The following KDM6B variants were observed in gnomAD, a reference collection of about 807,000 sequenced individuals.
KDM6B encodes the protein lysine-specific demethylase 6B.
In KDM6B, 22 loss-of-function variants were observed where a neutral mutation model predicts 150.4. The observed-to-expected ratio is 0.15, with a 90% CI of 0.10 to 0.21. KDM6B has a LOEUF of 0.21. KDM6B is among the 10% of genes least tolerant of loss of function. The pLI is 1.00. For missense variants in KDM6B, 1,984 were observed against 2,234.3 expected, an observed-to-expected ratio of 0.89 and a Z score of 2.26; for synonymous variants, 1,148 against 921.1, an observed-to-expected ratio of 1.25 and a Z score of -4.46.
At position 7,844,516 on chromosome 17, in the gene KDM6B, C is replaced by T. The variant is rs1194853784; in HGVS notation, c.-268-385C>T. Among the ~76,000 whole-genome samples, 1 of 151,958 alleles carries T rather than the reference C, an allele frequency of 6.6e-6. No homozygotes were observed. Among genetic ancestry groups the T allele is most frequent in the African/African-American group, 2.4e-5 (1 of 41,342 alleles). On this transcript the variant is annotated intron_variant, in intron 2 of 23. Transcript: ENST00000448097. This position sits in a 1 kb window ranked among gnomAD's most constrained non-coding sequence, Gnocchi z 5.9. Reference sequence around the variant, plus strand: ...CGGGGTAGGGAGGTCTGTCACTGGGCGAGGTGAAGTGAGGAAGGGGAGGGA... The same window carrying T: ...CGGGGTAGGGAGGTCTGTCACTGGGTGAGGTGAAGTGAGGAAGGGGAGGGA...
chr17:7,849,162 CAAG>C lies in KDM6B; in HGVS notation c.2875_2877del (p.Lys959del), dbSNP rs752737688. The C allele has an allele frequency of 3.2e-5, 52 of 1,611,076 alleles. No homozygotes were observed. In the East Asian group the frequency reaches 1.0e-3, roughly 32 times the overall value. ...AGCGACTGCTGCCCCCCGCACAGGC[CAAG>C]GAGGAGGCTGGCGGGGTGGCGGCAG... On this transcript the variant is annotated inframe_deletion, in exon 12 of 24. Coordinates refer to ENST00000448097, the MANE Select transcript of KDM6B (RefSeq NM_001348716.2).
chr17:7,836,117 G>T (rs1319471609), intron 1 of KDM6B, among the ~76,000 whole-genome samples: 2 of 152,210 alleles, frequency 1.3e-5, no homozygotes, highest in East Asian at 3.9e-4. Context: ...GGCTTCTCCC[G>T]CCCGGGCCCA....
At chr17:7,845,806 C>T (rs1010244116) in intron 5 of KDM6B, 66 bp from the exon 6 acceptor site, 7 of 1,582,220 alleles carry the variant, frequency 4.4e-6, no homozygotes, top group Admixed American at 1.7e-5. Context: ...GCATCAGCCC[C>T]CTCCTGCCTA....
At position 7,835,131 on chromosome 17, in the gene KDM6B, G is replaced by A. The variant is rs569835574; in HGVS notation, c.-388+781G>A. ...CTGAGGCCCCCACTTGACTTCCTGT[G>A]ATCTGGGCCCCCTCACAGGAAATTG... On this transcript the variant is annotated intron_variant, in intron 1 of 23. Coordinates refer to ENST00000448097, the MANE Select transcript of KDM6B (RefSeq NM_001348716.2). Among the ~76,000 whole-genome samples, 5 of 152,214 alleles carry A rather than the reference G, an allele frequency of 3.3e-5. No homozygotes were observed. In the South Asian group the frequency reaches 1.0e-3, roughly 32 times the overall value.
At chr17:7,852,826 C>T (rs1403178077) in intron 21 of KDM6B, among the ~76,000 whole-genome samples, 174 bp from the exon 22 acceptor site, 1 of 152,232 alleles carries the variant, frequency 6.6e-6, no homozygotes, top group Non-Finnish European at 1.5e-5. Flanking sequence ...TAGACAAAAG[C>T]CACAGGAAAC....
At chr17:7,842,684 A>G (rs1358166288) in intron 2 of KDM6B, among the ~76,000 whole-genome samples, 1 of 152,084 alleles carries the variant, frequency 6.6e-6, no homozygotes, top group Non-Finnish European at 1.5e-5. Context: ...GAGAGGGGAA[A>G]TTCCGCGGGA....
chr17:7,853,599 T>C lies in KDM6B; in HGVS notation c.*78T>C. 1 of 1,163,402 alleles carries C rather than the reference T, an allele frequency of 8.6e-7. No individual in the cohort carries two copies. The highest frequency in any genetic ancestry group is 1.1e-6 in the Non-Finnish European group (1 of 902,150). The allele number at this position is 1,163,402 out of a possible 1,614,324, so 72.1% of individuals were successfully genotyped here. ...AGCACATGCCTGGGCTGGACCTAGGTCCCGCCTGTGGCCGAGAAGGGGGTC... is the reference window on the plus strand; with the variant it reads ...AGCACATGCCTGGGCTGGACCTAGGCCCCGCCTGTGGCCGAGAAGGGGGTC... On this transcript the variant is annotated 3_prime_UTR_variant, in exon 24 of 24. Coordinates refer to ENST00000448097, the MANE Select transcript of KDM6B (RefSeq NM_001348716.2).
Position 7,846,029 on chromosome 17 carries a change from C to T in KDM6B, c.237-49C>T, listed in dbSNP as rs199501385. On this transcript the variant is annotated intron_variant, in intron 6 of 23. Transcript: ENST00000448097. ...GGTAAGGCTGGGGCCTTGAAAGAGT[C>T]CCCTCAAGCCCAACCCCCACCCACA... 191 of 1,581,172 alleles carry T rather than the reference C, an allele frequency of 1.2e-4. 1 individual carries two copies. The highest frequency in any genetic ancestry group is 9.0e-4 in the South Asian group (79 of 88,178).
At chr17:7,850,229 T>C (rs2078664180) in intron 14 of KDM6B, 52 bp downstream of exon 14, 2 of 1,430,804 alleles carry the variant, frequency 1.4e-6, no homozygotes, top group Non-Finnish European at 2.0e-6. Flanking sequence ...GTCTGGGGCA[T>C]GTAGGACCCT....
At position 7,845,671 on chromosome 17, in the gene KDM6B, C is replaced by T. The variant is rs769473886; in HGVS notation, c.117C>T (p.Ser39=). 3.7e-6 allele frequency: 6 copies of T among 1,614,018 alleles called. No individual in the cohort carries two copies. Among genetic ancestry groups the T allele is most frequent in the South Asian group, 2.2e-5 (2 of 91,092 alleles). The part of the protein sequence containing the change: ...SSCPPHPPPR[S]AWLPGGRCSA... The stretch of plus-strand genomic sequence containing the variant: ...GCCCGCCTCATCCCCCTCCTCGTAG[C>T]GCATGGCTGCCTGGAGGCAGGTGAG... Residue 39 remains serine, a synonymous_variant, in exon 5 of 24, where the codon AGC becomes AGT. Coordinates refer to ENST00000448097, the MANE Select transcript of KDM6B (RefSeq NM_001348716.2).
intron 5 of KDM6B, 73 bp downstream of exon 5, chr17:7,845,764 C>T (rs2078519887): frequency 3.1e-6 from 5 of 1,607,452 alleles, no homozygotes; most frequent in Non-Finnish European, 4.3e-6. Context: ...GTGTCATTCT[C>T]CATGGGTTCC....
chr17:7,848,511 C>T lies in KDM6B; in HGVS notation c.2223C>T (p.Ala741=). 6.2e-7 allele frequency: 1 copy of T among 1,612,132 alleles called. No individual in the cohort carries two copies. The highest frequency in any genetic ancestry group is 1.3e-5 in the African/African-American group (1 of 74,938). ...AGTCTCCTTTCCCCACCGACACAGC[C>T]CCCACCACTACTGCTCCTGCTGTCG... ...SLQSPFPTDT[A]PTTTAPAVAV... Residue 741 remains alanine, a synonymous_variant, in exon 12 of 24, where the codon GCC becomes GCT. Coordinates refer to ENST00000448097, the MANE Select transcript of KDM6B (RefSeq NM_001348716.2).
At chr17:7,837,645 C>T (rs1342417733) in intron 1 of KDM6B, among the ~76,000 whole-genome samples, 1 of 152,104 alleles carries the variant, frequency 6.6e-6, no homozygotes, top group Non-Finnish European at 1.5e-5. Flanking sequence ...CTCTCTGAGC[C>T]TCGTATGTTA....
In KDM6B at chr17:7,851,437, T is replaced by G; in HGVS notation, c.3945-41T>G. ...CCCTTCTGTTCCTGCTTCCTTCCCC[T>G]CCCTCTGCTCTCCACCAACCTGTGC... is the stretch of plus-strand genomic sequence containing the variant. On this transcript the variant is annotated intron_variant, in intron 16 of 23. Transcript: ENST00000448097. 1.9e-6 allele frequency: 3 copies of G among 1,614,016 alleles called. No individual in the cohort carries two copies. In the East Asian group the frequency reaches 6.7e-5, roughly 36 times the overall value.
Position 7,847,700 on chromosome 17 carries a change from C to G in KDM6B, c.1412C>G (p.Pro471Arg), listed in dbSNP as rs1418813615. ...LPPGPSSPPP[P>R]PCPRLLRPPP... ...CCTGGACCTTCCTCACCCCCTCCACCCCCCTGTCCCCGCCTCTTACGCCCC... is the reference window on the plus strand; with the variant it reads ...CCTGGACCTTCCTCACCCCCTCCACGCCCCTGTCCCCGCCTCTTACGCCCC... The change falls in exon 12 of 24, where the codon CCC becomes CGC. Residue 471 changes from proline to arginine, a missense_variant. This residue lies in a region of KDM6B where 1,379 missense variants were observed against 1,275.6 expected (regional missense o/e 1.08). Transcript: ENST00000448097. 2 of 1,544,358 alleles carry G rather than the reference C, an allele frequency of 1.3e-6. No homozygotes were observed. The highest frequency in any genetic ancestry group is 1.4e-5 in the African/African-American group (1 of 71,562).
At chr17:7,846,377 G>GGGCCCCCCCCCCCCCCCCCCCC in intron 7 of KDM6B, 23 bp from the exon 8 acceptor site, 1 of 1,479,494 alleles carries the variant, frequency 6.8e-7, no homozygotes, top group Non-Finnish European at 9.1e-7. Flanking sequence ...ATCTGCCCCT[G>GGGCCCCCCCCCCCCCCCCCCCC]CCCCGTGTCC....
At position 7,848,427 on chromosome 17, in the gene KDM6B, A is replaced by C; in HGVS notation, c.2139A>C (p.Gln713His). 4.3e-6 allele frequency: 7 copies of C among 1,613,170 alleles called. No individual in the cohort carries two copies. The highest frequency in any genetic ancestry group is 5.9e-6 in the Non-Finnish European group (7 of 1,180,002). Residue 713 changes from glutamine to histidine, a missense_variant, in exon 12 of 24, where the codon CAA becomes CAC. Gln to His is a conservative substitution (Grantham distance 24). Coordinates refer to ENST00000448097, the MANE Select transcript of KDM6B (RefSeq NM_001348716.2). ...CCATTCGCAAGGAAGAGGAACAGCA[A>C]CAACACGAAGCAGGCGTGGCCCCCC... ...DESIRKEEEQ[Q>H]QHEAGVAPQP...
chr17:7,852,432 G>C, intron 20 of KDM6B, 63 bp from the exon 21 acceptor site: 3 of 1,289,900 alleles, frequency 2.3e-6, no homozygotes, highest in Middle Eastern at 2.2e-4. Context: ...TGAGGGAAGG[G>C]GCTTGGGCCT....
chr17:7,844,950 A>C lies in KDM6B; in HGVS notation c.-219A>C, dbSNP rs2151374900. ...GTGATGATTGGCTTTCTGGGGAGAG[A>C]GGAAGTCCTGTGATTGGCCAGATCT... On this transcript the variant is annotated 5_prime_UTR_variant, in exon 3 of 24. Transcript: ENST00000448097. The surrounding 1 kb of genome is among the most constrained non-coding windows in gnomAD (Gnocchi z 5.9). 5.9e-6 allele frequency: 1 copy of C among 169,536 alleles called. No homozygotes were observed. The highest frequency in any genetic ancestry group is 1.3e-5 in the Non-Finnish European group (1 of 76,096). The allele number at this position is 169,536 out of a possible 1,614,324, so 10.5% of individuals were successfully genotyped here. A position where few individuals can be genotyped will look rare whatever the true frequency, so the allele number is the denominator to read the frequency against.
Sources: allele counts gnomAD v4.1 joint callset (sites outside exome capture counted in the v4.1 genomes callset), GRCh38; gene constraint gnomAD v4.1.1; regional missense constraint gnomAD v4.1.1; non-coding constraint Gnocchi (gnomAD v3.1); transcripts MANE v1.5; gene names NCBI Gene and HGNC (gene_info 2026-07-23, HGNC 2026-07-21).